The following MRLN variants were observed in gnomAD, a reference collection of about 807,000 sequenced individuals.
MRLN encodes Linc-RNA activator of myogenesis.
At chr10:59,740,593 A>T (rs146806392) in intron 1 of MRLN, among the ~76,000 whole-genome samples, 1,637 of 152,280 alleles carry the variant, frequency 0.011, 43 homozygotes, top group African/African-American at 0.037. Context: ...AAATTTTGAT[A>T]GAAAAAAGCT....
intron 1 of MRLN, among the ~76,000 whole-genome samples, chr10:59,750,210 T>C (rs1841087236): frequency 6.6e-6 from 1 of 151,852 alleles, no homozygotes; most frequent in African/African-American, 2.4e-5. Context: ...TAGCTGGGAT[T>C]ACAGGCTCCC....
chr10:59,738,848 A>G (rs1272829694), intron 1 of MRLN: 1 of 152,168 alleles, frequency 6.6e-6, no homozygotes, highest in Non-Finnish European at 1.5e-5. Context: ...CCGACCGGGC[A>G]CGGTGGCTCA....
At chr10:59,739,593 C>T (rs1220433853) in intron 1 of MRLN, 1 of 152,150 alleles carries the variant, frequency 6.6e-6, no homozygotes, top group Non-Finnish European at 1.5e-5. Context: ...TGGTTGAATC[C>T]ATGGATATGG....
intron 1 of MRLN, among the ~76,000 whole-genome samples, chr10:59,752,535 T>C (rs1296747773): frequency 2.0e-5 from 3 of 152,198 alleles, no homozygotes; most frequent in Non-Finnish European, 4.4e-5. Flanking sequence ...TCTGCCTCCT[T>C]CCAGTTCCCT....
At chr10:59,751,447 G>T (rs1461780297) in intron 1 of MRLN, among the ~76,000 whole-genome samples, 1 of 151,906 alleles carries the variant, frequency 6.6e-6, no homozygotes, top group Non-Finnish European at 1.5e-5. Context: ...GTTCACTTGA[G>T]CCCAGGAGTT....
At position 59,737,240 on chromosome 10, in the gene MRLN, T is replaced by C; in HGVS notation, c.-20-20A>G. 2 of 393,346 alleles carry C rather than the reference T, an allele frequency of 5.1e-6. No homozygotes were observed. The highest frequency in any genetic ancestry group is 9.0e-6 in the Non-Finnish European group (2 of 222,266). 24.4% of individuals were successfully genotyped at this position (393,346 alleles called of 1,614,324 possible). On this transcript the variant is annotated intron_variant, in intron 2 of 2. Coordinates refer to ENST00000414264, the MANE Select transcript of MRLN (RefSeq NM_001304731.2). ...CGCTCCCTAGGAAAAAAGAGAAAAG[T>C]ATCCTCAAATGAACACATTTATAAT... is the stretch of plus-strand genomic sequence containing the variant.
chr10:59,750,092 GACGGAGTTTC>G (rs1841085882), intron 1 of MRLN, among the ~76,000 whole-genome samples: 1 of 87,772 alleles, frequency 1.1e-5, no homozygotes. Flanking sequence ...TTTTTTTTGA[GACGGAGTTTC>G]GCTCTTGTTG....
intron 1 of MRLN, chr10:59,739,767 G>A (rs1407788776): frequency 2.6e-5 from 4 of 152,218 alleles, no homozygotes; most frequent in Admixed American, 2.6e-4. Flanking sequence ...AATGACTTGA[G>A]TCAATGAAGG....
At position 59,742,821 on chromosome 10, in the gene MRLN, T is replaced by C. The variant is rs763064620; in HGVS notation, c.-124-4259A>G. On this transcript the variant is annotated intron_variant, in intron 1 of 2. Coordinates refer to ENST00000414264, the MANE Select transcript of MRLN (RefSeq NM_001304731.2). ...CTATTCCATTGCAGCCTTGAACTCCTGGACTCAAGCAATCCTCCCACCTCA... is the reference window on the plus strand; with the variant it reads ...CTATTCCATTGCAGCCTTGAACTCCCGGACTCAAGCAATCCTCCCACCTCA... Among the ~76,000 whole-genome samples the C allele has an allele frequency of 2.0e-5, 3 of 152,034 alleles. No homozygotes were observed. The East Asian group carries it at 5.8e-4, about 29-fold the overall frequency.
intron 1 of MRLN, among the ~76,000 whole-genome samples, chr10:59,744,606 G>A (rs1163788684): frequency 6.6e-6 from 1 of 152,334 alleles, no homozygotes; most frequent in Non-Finnish European, 1.5e-5. Context: ...CGGTCTGGGA[G>A]GTGTACCCAA....
At chr10:59,740,581 A>T (rs74619696) in intron 1 of MRLN, among the ~76,000 whole-genome samples, 4,635 of 152,232 alleles carry the variant, frequency 0.03, 283 homozygotes, top group African/African-American at 0.1. Flanking sequence ...AAAAAAAATT[A>T]AAAATTTTGA....
intron 1 of MRLN, among the ~76,000 whole-genome samples, chr10:59,745,137 A>AT (rs1841030693): frequency 6.6e-6 from 1 of 152,198 alleles, no homozygotes; most frequent in South Asian, 2.1e-4. Flanking sequence ...ATAAAATAAA[A>AT]AAAAGAAAAT....
At chr10:59,744,531 G>T (rs564639757) in intron 1 of MRLN, among the ~76,000 whole-genome samples, 3 of 146,256 alleles carry the variant, frequency 2.1e-5, no homozygotes, top group Non-Finnish European at 4.5e-5. Context: ...TGGGAGGTGG[G>T]GGAGCGCGCC....
intron 1 of MRLN, among the ~76,000 whole-genome samples, chr10:59,748,999 G>A (rs1301743002): frequency 2.6e-5 from 4 of 152,220 alleles, no homozygotes; most frequent in African/African-American, 4.8e-5. Flanking sequence ...GCAAGGTGGA[G>A]TGAGGAGAGA....
intron 1 of MRLN, among the ~76,000 whole-genome samples, chr10:59,744,463 C>T (rs905261764): frequency 1.3e-5 from 2 of 151,162 alleles, no homozygotes; most frequent in Non-Finnish European, 3.0e-5. Context: ...CAGCCGCGCC[C>T]GGCCAGCCGC....
chr10:59,748,098 T>G (rs1589019205), intron 1 of MRLN, among the ~76,000 whole-genome samples: 1 of 151,728 alleles, frequency 6.6e-6, no homozygotes, highest in East Asian at 1.9e-4. Flanking sequence ...TTTGTTTTTT[T>G]TTTTTTTGCT....
chr10:59,750,955 T>A (rs1311644217), intron 1 of MRLN, among the ~76,000 whole-genome samples: 1 of 152,234 alleles, frequency 6.6e-6, no homozygotes, highest in Admixed American at 6.5e-5. Context: ...TGAGTGTCAT[T>A]CCCATTTGGA....
chr10:59,749,606 G>A (rs6479647), intron 1 of MRLN, among the ~76,000 whole-genome samples: 30,577 of 151,980 alleles, frequency 0.2, 3,230 homozygotes, highest in East Asian at 0.33. Context: ...AAGCACAAGA[G>A]TCGCTTGAAC....
intron 1 of MRLN, among the ~76,000 whole-genome samples, chr10:59,741,230 A>ACTAGGC (rs1190184062): frequency 6.6e-6 from 1 of 152,010 alleles, no homozygotes; most frequent in African/African-American, 2.4e-5. Context: ...CTTCAAATTC[A>ACTAGGC]CTCACCATTC....
Sources: allele counts gnomAD v4.1 joint callset (sites outside exome capture counted in the v4.1 genomes callset), GRCh38; gene constraint gnomAD v4.1.1; transcripts MANE v1.5; gene names NCBI Gene and HGNC (gene_info 2026-07-23, HGNC 2026-07-21).